RAI14: variants seen among roughly 807,000 people sequenced by gnomAD.
RAI14 encodes the protein ankycorbin.
A neutral mutation model predicts 115.4 loss-of-function variants in RAI14; 45 were observed. The observed-to-expected ratio is 0.39, with a 90% CI of 0.31 to 0.50. RAI14 has a LOEUF of 0.50. RAI14 is among the 20% of genes least tolerant of loss of function. The pLI is 0.85. For missense variants in RAI14, 939 were observed against 1,131.2 expected (o/e 0.83, Z 2.44); for synonymous variants, 371 against 415.4 (o/e 0.89, Z 1.30).
intron 4 of RAI14, among the ~76,000 whole-genome samples, chr5:34,797,088 G>T (rs575160434): frequency 6.6e-6 from 1 of 152,286 alleles, no homozygotes; most frequent in South Asian, 2.1e-4. Flanking sequence ...TTCTGCCCCT[G>T]CTGGCCACCC....
intron 1 of RAI14, among the ~76,000 whole-genome samples, chr5:34,681,844 TTTTC>T (rs200032607): frequency 7.6e-6 from 1 of 132,406 alleles, no homozygotes; most frequent in Non-Finnish European, 1.5e-5. Context: ...TAACCTGGAA[TTTTC>T]TTTCTTTCTT....
intron 1 of RAI14, among the ~76,000 whole-genome samples, chr5:34,659,480 C>A (rs1742530698): frequency 6.6e-6 from 1 of 152,182 alleles, no homozygotes; most frequent in Non-Finnish European, 1.5e-5. Flanking sequence ...GTTGCTCAGG[C>A]TGGCCTTGAA....
Position 34,812,185 on chromosome 5 carries a change from A to G in RAI14, c.742A>G (p.Lys248Glu). The change falls in exon 10 of 18, where the codon AAG (lysine) becomes GAG (glutamate). Residue 248 changes from lysine to glutamate, a missense_variant. Lys to Glu is a moderately conservative substitution (Grantham distance 56). Coordinates refer to ENST00000265109, the MANE Select transcript of RAI14 (RefSeq NM_015577.3). ...TTTCACTTTTTCCTCTATAGATTTA[A>G]AGACCCCAACAAAACCAAAGCAGGT... ...LSKISQDADL[K>E]TPTKPKQHDQ... is the part of the protein sequence containing the mutation. The G allele has an allele frequency of 6.3e-7, 1 of 1,582,372 alleles. No individual in the cohort carries two copies. The highest frequency in any genetic ancestry group is 8.7e-7 in the Non-Finnish European group (1 of 1,155,684).
At chr5:34,817,691 T>C (rs987526209) in intron 12 of RAI14, among the ~76,000 whole-genome samples, 1 of 152,154 alleles carries the variant, frequency 6.6e-6, no homozygotes, top group African/African-American at 2.4e-5. Flanking sequence ...AGTAACAACA[T>C]AGTTGAATCT....
chr5:34,777,904 A>C (rs77004535), intron 3 of RAI14, among the ~76,000 whole-genome samples: 2 of 152,138 alleles, frequency 1.3e-5, no homozygotes, highest in Non-Finnish European at 1.5e-5. Flanking sequence ...GTAGAAACAT[A>C]GTTAGAGCTA....
intron 2 of RAI14, among the ~76,000 whole-genome samples, chr5:34,749,965 A>T (rs956334778): frequency 5.3e-5 from 8 of 152,360 alleles, no homozygotes; most frequent in Non-Finnish European, 8.8e-5. Flanking sequence ...AATTTGCATT[A>T]AGCTGTTATC....
At chr5:34,707,600 C>T (rs1160725135) in intron 2 of RAI14, among the ~76,000 whole-genome samples, 1 of 152,154 alleles carries the variant, frequency 6.6e-6, no homozygotes, top group Admixed American at 6.5e-5. Flanking sequence ...AGTACAAAAG[C>T]AGTTCATTTA....
Position 34,782,880 on chromosome 5 carries a change from G to A in RAI14, c.168-13059G>A, listed in dbSNP as rs191223759. On this transcript the variant is annotated intron_variant, in intron 3 of 17. Transcript: ENST00000265109. ...AATCAATGATGATTCCACAGGAATC[G>A]TTGCACAGCATGTCTGCCTGTTCTG... Among the ~76,000 whole-genome samples, 54 of 152,272 alleles carry A rather than the reference G, an allele frequency of 3.5e-4. No homozygotes were observed. In the East Asian group the frequency reaches 3.9e-3, roughly 11 times the overall value.
intron 1 of RAI14, among the ~76,000 whole-genome samples, chr5:34,664,401 C>T (rs947219493): frequency 4.5e-5 from 6 of 132,320 alleles, no homozygotes; most frequent in South Asian, 2.7e-4. Context: ...TGGGTGACAG[C>T]GAGACACTGT....
chr5:34,812,495 G>A lies in RAI14; in HGVS notation c.765+287G>A, dbSNP rs1030290774. On this transcript the variant is annotated intron_variant, in intron 10 of 17. Coordinates refer to ENST00000265109, the MANE Select transcript of RAI14 (RefSeq NM_015577.3). ...ACCCTGACCAACATGGAGAAACCCC[G>A]CCTCTACTAATATTACAATATTAGC... Among the ~76,000 whole-genome samples the A allele has an allele frequency of 1.1e-4, 16 of 152,106 alleles. No homozygotes were observed. In the East Asian group the frequency reaches 1.7e-3, roughly 17 times the overall value.
chr5:34,750,689 G>A (rs1746858209), intron 2 of RAI14, among the ~76,000 whole-genome samples: 1 of 152,080 alleles, frequency 6.6e-6, no homozygotes, highest in Admixed American at 6.6e-5. Context: ...GTTCTAACAA[G>A]TAGTTATAAA....
At chr5:34,774,122 G>A (rs1466090573) in intron 3 of RAI14, among the ~76,000 whole-genome samples, 2 of 152,094 alleles carry the variant, frequency 1.3e-5, no homozygotes, top group African/African-American at 4.8e-5. Context: ...GGAGGCTGAG[G>A]TGGGCAGATC....
At chr5:34,691,774 G>A (rs919370698) in intron 2 of RAI14, among the ~76,000 whole-genome samples, 1 of 151,986 alleles carries the variant, frequency 6.6e-6, no homozygotes, top group Admixed American at 6.6e-5. Context: ...GGGAAGTAGC[G>A]GACATTCCAT....
intron 12 of RAI14, among the ~76,000 whole-genome samples, chr5:34,815,199 G>C (rs1190113063): frequency 6.6e-6 from 1 of 152,118 alleles, no homozygotes; most frequent in Non-Finnish European, 1.5e-5. Context: ...TGGCCAACAT[G>C]GTGAAACTCC....
chr5:34,670,897 A>G (rs1325028458), intron 1 of RAI14, among the ~76,000 whole-genome samples: 1 of 152,240 alleles, frequency 6.6e-6, no homozygotes, highest in Admixed American at 6.5e-5. Context: ...GGTTAAACTG[A>G]AAATGGTAGC....
chr5:34,687,669 AGCAGAGT>A (rs1738019535), intron 2 of RAI14: 1 of 1,551,440 alleles, frequency 6.4e-7, no homozygotes. Context: ...AGATACTTTG[AGCAGAGT>A]TGTGGAGTGG....
At chr5:34,719,155 G>T (rs530677743) in intron 2 of RAI14, among the ~76,000 whole-genome samples, 1 of 100,336 alleles carries the variant, frequency 1.0e-5, no homozygotes, top group South Asian at 2.7e-4. Context: ...AAGGATGGGG[G>T]CTAATTACCT....
intron 12 of RAI14, among the ~76,000 whole-genome samples, chr5:34,816,912 C>T (rs1336306956): frequency 6.6e-6 from 1 of 150,762 alleles, no homozygotes; most frequent in Non-Finnish European, 1.5e-5. Context: ...TCTGAAAAAA[C>T]AACAACAAAA....
At chr5:34,712,315 AG>A (rs1741494262) in intron 2 of RAI14, among the ~76,000 whole-genome samples, 1 of 152,174 alleles carries the variant, frequency 6.6e-6, no homozygotes, top group Admixed American at 6.5e-5. Flanking sequence ...TAAGAGGAAA[AG>A]GAACAATTTG....
Sources: gnomAD v4.1 joint callset for allele counts (sites outside exome capture counted in the v4.1 genomes callset) on GRCh38, gnomAD v4.1.1 for gene constraint, MANE v1.5 for transcripts, NCBI Gene and HGNC (gene_info 2026-07-23, HGNC 2026-07-21) for gene names.